GREM2: variants seen among roughly 807,000 people sequenced by gnomAD.
GREM2 encodes gremlin 2, DAN family BMP antagonist, also known as gremlin-2.
In GREM2, 11 loss-of-function variants were observed where a neutral mutation model predicts 14.2. That is an observed-to-expected ratio of 0.78 (90% confidence interval 0.49 to 1.28). GREM2 has a LOEUF of 1.28. Ranked by LOEUF, GREM2 falls within the 50% of genes most tolerant of loss-of-function variation. GREM2 has a pLI of 0.00. For missense variants in GREM2, 210 were observed against 218.5 expected (o/e 0.96, Z 0.24); for synonymous variants, 98 against 97.6 (o/e 1.00, Z -0.02).
Position 240,520,449 on chromosome 1 carries a change from A to G in GREM2, c.-1-26973T>C, listed in dbSNP as rs1232588732. Among the ~76,000 whole-genome samples the G allele has an allele frequency of 3.3e-5, 5 of 152,328 alleles. No individual in the cohort carries two copies. The East Asian group carries it at 7.7e-4, about 24-fold the overall frequency. On this transcript the variant is annotated intron_variant, in intron 1 of 1. Coordinates refer to ENST00000318160, the MANE Select transcript of GREM2 (RefSeq NM_022469.4). ...GTGTGAGTGGACTCTGCTCATAGAT[A>G]AGTTACCTTGAGGAACAAGACTGAA...
At chr1:240,609,391 CAT>C (rs761965695) in intron 1 of GREM2, among the ~76,000 whole-genome samples, 179 of 152,134 alleles carry the variant, frequency 1.2e-3, no homozygotes, top group Non-Finnish European at 1.8e-3. Flanking sequence ...TTTAGCCTGA[CAT>C]GTGATCAAAA....
intron 1 of GREM2, among the ~76,000 whole-genome samples, chr1:240,565,520 C>A (rs1394715543): frequency 6.6e-6 from 1 of 152,112 alleles, no homozygotes; most frequent in Non-Finnish European, 1.5e-5. Context: ...TTACTTTGGT[C>A]TGTTGGGTAC....
intron 1 of GREM2, among the ~76,000 whole-genome samples, chr1:240,565,235 A>G (rs985620897): frequency 5.9e-5 from 9 of 152,234 alleles, no homozygotes; most frequent in East Asian, 5.8e-4. Flanking sequence ...TTAGGTCAGG[A>G]CAAAGTTCTA....
intron 1 of GREM2, among the ~76,000 whole-genome samples, chr1:240,520,690 G>A (rs1332965282): frequency 5.9e-5 from 9 of 151,624 alleles, no homozygotes; most frequent in African/African-American, 1.5e-4. Context: ...CTACAGGCAC[G>A]TGCTACCATG....
chr1:240,601,347 C>A (rs1175210722), intron 1 of GREM2, among the ~76,000 whole-genome samples: 1 of 152,188 alleles, frequency 6.6e-6, no homozygotes, highest in Non-Finnish European at 1.5e-5. Flanking sequence ...ACACATCCCT[C>A]TGTTTGACTA....
In GREM2 at chr1:240,579,397, ACCT is replaced by A. The variant is rs563027832; in HGVS notation, c.-2+32484_-2+32486del. ...GACCCACAGTGGCATTACGCAAAAC[ACCT>A]CCTCAGTCTTACTCTCTGCTTCTTC... On this transcript the variant is annotated intron_variant, in intron 1 of 1. Transcript: ENST00000318160. Among the ~76,000 whole-genome samples the A allele has an allele frequency of 2.0e-3, 311 of 152,230 alleles. 1 individual carries two copies. The highest frequency in any genetic ancestry group is 3.8e-3 in the Non-Finnish European group (256 of 68,016).
intron 1 of GREM2, among the ~76,000 whole-genome samples, chr1:240,595,896 C>G (rs1220824093): frequency 6.6e-6 from 1 of 152,110 alleles, no homozygotes; most frequent in Non-Finnish European, 1.5e-5. Context: ...AAGGGCCTAC[C>G]TTTTCCTCAA....
intron 1 of GREM2, among the ~76,000 whole-genome samples, chr1:240,495,253 G>A (rs547161980): frequency 6.4e-4 from 98 of 152,178 alleles, no homozygotes; most frequent in African/African-American, 2.2e-3. Context: ...TCATCTTTAT[G>A]TTTACTCATT....
intron 1 of GREM2, among the ~76,000 whole-genome samples, chr1:240,579,625 G>C (rs1679445156): frequency 6.6e-6 from 1 of 152,134 alleles, no homozygotes; most frequent in Non-Finnish European, 1.5e-5. Context: ...GTCTCATAAG[G>C]GTGTGAACAT....
chr1:240,533,632 ACACAGCCTCC>A (rs1678411234), intron 1 of GREM2, among the ~76,000 whole-genome samples: 1 of 152,242 alleles, frequency 6.6e-6, no homozygotes, highest in East Asian at 1.9e-4. Flanking sequence ...CTAGCAGTAC[ACACAGCCTCC>A]CACAAAGTCA....
chr1:240,497,841 T>C (rs1677465353), intron 1 of GREM2, among the ~76,000 whole-genome samples: 1 of 152,132 alleles, frequency 6.6e-6, no homozygotes, highest in East Asian at 1.9e-4. Flanking sequence ...CTTATTATAT[T>C]TGTGGAATGA....
At position 240,493,286 on chromosome 1, in the gene GREM2, C is replaced by G; in HGVS notation, c.190G>C (p.Glu64Gln). The part of the protein sequence containing the change: ...ASSQEALVVT[E>Q]RKYLKSDWCK... ...CAGTCACTCTTGAGGTACTTGCGCTCGGTGACCACCAGGGCCTCCTGGCTG... is the reference window on the plus strand; with the variant it reads ...CAGTCACTCTTGAGGTACTTGCGCTGGGTGACCACCAGGGCCTCCTGGCTG... The change falls in exon 2 of 2, where the codon GAG becomes CAG. Residue 64 changes from glutamate to glutamine, a missense_variant. Physicochemically the swap from Glu to Gln is conservative, Grantham distance 29. Coordinates refer to ENST00000318160, the MANE Select transcript of GREM2 (RefSeq NM_022469.4). The G allele has an allele frequency of 6.2e-7, 1 of 1,613,944 alleles. No homozygotes were observed. Among genetic ancestry groups the G allele is most frequent in the Non-Finnish European group, 8.5e-7 (1 of 1,179,922 alleles).
In GREM2 at chr1:240,543,543, A is replaced by T. The variant is rs1400560099; in HGVS notation, c.-1-50067T>A. Among the ~76,000 whole-genome samples the T allele has an allele frequency of 1.3e-5, 2 of 152,212 alleles. No homozygotes were observed. The highest frequency in any genetic ancestry group is 2.4e-5 in the African/African-American group (1 of 41,448). On this transcript the variant is annotated intron_variant, in intron 1 of 1. Transcript: ENST00000318160. This position sits in a 1 kb window ranked among gnomAD's most constrained non-coding sequence, Gnocchi z 6.4. ...CAATTATTTCCACCTGGCCTTGCCC[A>T]TGAAACATGGGGATTATTACAATTC...
intron 1 of GREM2, among the ~76,000 whole-genome samples, chr1:240,511,455 T>C (rs1677827094): frequency 6.6e-6 from 1 of 152,220 alleles, no homozygotes; most frequent in Non-Finnish European, 1.5e-5. Flanking sequence ...AGGCCTTTTA[T>C]AAAAGGGACT....
chr1:240,557,642 T>G (rs1436750205), intron 1 of GREM2, among the ~76,000 whole-genome samples: 1 of 152,208 alleles, frequency 6.6e-6, no homozygotes, highest in Non-Finnish European at 1.5e-5. Context: ...ATATACATTT[T>G]GGGAAGTTTA....
intron 1 of GREM2, among the ~76,000 whole-genome samples, chr1:240,509,614 C>T (rs563327907): frequency 1.5e-4 from 23 of 152,078 alleles, no homozygotes; most frequent in South Asian, 1.0e-3. Flanking sequence ...GTGATCCGCC[C>T]GCCTCAGCCT....
chr1:240,493,616 G>C (rs1242804588), intron 1 of GREM2, 140 bp from the exon 2 acceptor site: 1 of 1,019,820 alleles, frequency 9.8e-7, no homozygotes, highest in Admixed American at 2.9e-5. Flanking sequence ...CTTGCTGCAG[G>C]CTCAAACTCT....
rs772490340 is a variant in GREM2 at position 240,508,313 on chromosome 1, C to A, written c.-1-14837G>T. On this transcript the variant is annotated intron_variant, in intron 1 of 1. Transcript: ENST00000318160. ...GATGTTGTATTTGCTCATATTCAAA[C>A]AGCCAGAATATAACTGATATTTGAG... Among the ~76,000 whole-genome samples the A allele has an allele frequency of 5.3e-5, 8 of 152,338 alleles. No homozygotes were observed. The South Asian group carries it at 1.0e-3, about 20-fold the overall frequency.
intron 1 of GREM2, among the ~76,000 whole-genome samples, chr1:240,611,380 T>C (rs1322757756): frequency 6.6e-6 from 1 of 152,168 alleles, no homozygotes; most frequent in Non-Finnish European, 1.5e-5. Flanking sequence ...ATAGTGATAT[T>C]TCCCTCATGA....
Sources: allele counts gnomAD v4.1 joint callset (sites outside exome capture counted in the v4.1 genomes callset), GRCh38; gene constraint gnomAD v4.1.1; non-coding constraint Gnocchi (gnomAD v3.1); transcripts MANE v1.5; gene names NCBI Gene and HGNC (gene_info 2026-07-23, HGNC 2026-07-21).